EYS: variants seen among roughly 807,000 people sequenced by gnomAD.
The protein encoded by EYS is EGF-like photoreceptor maintenance factor.
EYS carries 250 observed loss-of-function variants against 282.1 expected under a neutral mutation model. The observed-to-expected ratio is 0.89, with a 90% confidence interval of 0.80 to 0.98. The LOEUF (loss-of-function observed/expected upper bound fraction) is 0.98. Ranked by LOEUF, EYS falls within the 50% of genes least tolerant of loss-of-function variation. The pLI, the probability that EYS is intolerant of heterozygous loss-of-function variation, is 0.00. For missense variants in EYS, 4,016 were observed against 3,709.0 expected, an observed-to-expected ratio of 1.08 and a Z score of -2.15; for synonymous variants, 1,355 against 1,282.9, an observed-to-expected ratio of 1.06 and a Z score of -1.20.
intron 12 of EYS, among the ~76,000 whole-genome samples, chr6:65,122,806 G>T (rs1369498223): frequency 1.3e-5 from 2 of 151,922 alleles, no homozygotes; most frequent in East Asian, 3.9e-4. Flanking sequence ...ATCAATTTTA[G>T]AAATAAAATG....
intron 10 of EYS, 67 bp from the exon 11 acceptor site, chr6:65,335,213 C>A (rs1562103347): frequency 8.7e-7 from 1 of 1,152,878 alleles, no homozygotes; most frequent in Non-Finnish European, 1.3e-6. Context: ...ACAATTGTGA[C>A]CTGAGAGATC....
At chr6:65,503,793 T>C (rs1379623847) in intron 2 of EYS, among the ~76,000 whole-genome samples, 1 of 151,744 alleles carries the variant, frequency 6.6e-6, no homozygotes, top group Non-Finnish European at 1.5e-5. Context: ...GTTTGGACTA[T>C]CTATTCTGTT....
chr6:64,446,675 A>G (rs1482610836), intron 26 of EYS, among the ~76,000 whole-genome samples: 1 of 152,052 alleles, frequency 6.6e-6, no homozygotes, highest in Non-Finnish European at 1.5e-5. Flanking sequence ...AAGTTGGAAT[A>G]TTATGAGAGA....
rs562233320 is a variant in EYS at position 65,194,319 on chromosome 6, A to G, written c.2023+101544T>C. The stretch of plus-strand genomic sequence containing the variant: ...GTTTGATATTTCAAGTGGCTCATGA[A>G]TTAGAAAAACGGTCTATAAAATCAA... On this transcript the variant is annotated intron_variant, in intron 12 of 42. Coordinates refer to ENST00000503581, the MANE Select transcript of EYS (RefSeq NM_001142800.2). Among the ~76,000 whole-genome samples, 37 of 152,112 alleles carry G rather than the reference A, an allele frequency of 2.4e-4. No individual in the cohort carries two copies. The South Asian group carries it at 6.2e-3, about 26-fold the overall frequency.
At chr6:65,012,292 C>G (rs1009678886) in intron 13 of EYS, among the ~76,000 whole-genome samples, 1 of 152,074 alleles carries the variant, frequency 6.6e-6, no homozygotes, top group Admixed American at 6.5e-5. Flanking sequence ...GCAGCACAAA[C>G]TTTTTCAACA....
intron 5 of EYS, among the ~76,000 whole-genome samples, chr6:65,451,964 A>G (rs1764415431): frequency 6.6e-6 from 1 of 151,836 alleles, no homozygotes; most frequent in Admixed American, 6.6e-5. Flanking sequence ...AATGTTTTAA[A>G]GGAAAATTAA....
intron 8 of EYS, among the ~76,000 whole-genome samples, chr6:65,383,130 C>A (rs542797825): frequency 1.3e-5 from 2 of 152,034 alleles, no homozygotes; most frequent in African/African-American, 4.8e-5. Context: ...CCCATTTCTA[C>A]AAAACATTTG....
chr6:64,151,323 A>ATATATATATATATATATATATT (rs1562226615), intron 31 of EYS, among the ~76,000 whole-genome samples: 14 of 64,712 alleles, frequency 2.2e-4, no homozygotes, highest in African/African-American at 1.1e-3. Context: ...ATATTTATAT[A>ATATATATATATATATATATATT]TATATATATA....
intron 12 of EYS, among the ~76,000 whole-genome samples, chr6:65,241,610 G>C (rs1767059902): frequency 6.6e-6 from 1 of 151,960 alleles, no homozygotes; most frequent in Admixed American, 6.6e-5. Context: ...AAACTGGTAT[G>C]TCAGGAGCCT....
At chr6:65,602,839 C>T (rs536608910) in intron 2 of EYS, among the ~76,000 whole-genome samples, 3 of 151,972 alleles carry the variant, frequency 2.0e-5, no homozygotes, top group East Asian at 1.9e-4. Context: ...AACTCCATGG[C>T]GTGACACACT....
intron 2 of EYS, among the ~76,000 whole-genome samples, chr6:65,552,480 T>A (rs1768630193): frequency 6.6e-6 from 1 of 152,154 alleles, no homozygotes; most frequent in Non-Finnish European, 1.5e-5. Flanking sequence ...TTTTAAATAA[T>A]TTTACTTTAA....
At chr6:64,410,122 G>A (rs1347055330) in intron 28 of EYS, among the ~76,000 whole-genome samples, 1 of 152,006 alleles carries the variant, frequency 6.6e-6, no homozygotes, top group Non-Finnish European at 1.5e-5. Flanking sequence ...TAAAAAAAGA[G>A]ATTCAGGGCA....
intron 2 of EYS, among the ~76,000 whole-genome samples, chr6:65,585,883 T>C (rs365992): frequency 0.015 from 2,218 of 152,116 alleles, 42 homozygotes; most frequent in African/African-American, 0.05. Context: ...CAATATGAAT[T>C]TGCCTGTTAC....
intron 22 of EYS, among the ~76,000 whole-genome samples, chr6:64,651,690 G>GA (rs941765758): frequency 3.3e-5 from 5 of 150,294 alleles, no homozygotes; most frequent in South Asian, 2.1e-4. Flanking sequence ...TCAAAAAAAG[G>GA]AAAAAAAAAT....
chr6:65,155,574 AGTCACTGTCTT>A (rs1764712583), intron 12 of EYS, among the ~76,000 whole-genome samples: 1 of 151,492 alleles, frequency 6.6e-6, no homozygotes, highest in Non-Finnish European at 1.5e-5. Flanking sequence ...CTAGCTTTCT[AGTCACTGTCTT>A]GTGGGTTATT....
chr6:65,326,403 G>A (rs1769622687), intron 11 of EYS, among the ~76,000 whole-genome samples: 1 of 151,022 alleles, frequency 6.6e-6, no homozygotes, highest in Non-Finnish European at 1.5e-5. Flanking sequence ...ATATAGATAA[G>A]TACATATATT....
intron 33 of EYS, among the ~76,000 whole-genome samples, chr6:64,050,804 A>G (rs1196073098): frequency 3.9e-5 from 6 of 152,212 alleles, no homozygotes; most frequent in African/African-American, 1.4e-4. Flanking sequence ...ATGTTTACAT[A>G]TTATGAAAGT....
intron 19 of EYS, among the ~76,000 whole-genome samples, chr6:64,882,266 G>GATAT (rs1766949259): frequency 6.6e-6 from 1 of 151,746 alleles, no homozygotes; most frequent in Admixed American, 6.6e-5. Context: ...TGATATAACT[G>GATAT]AATTTTGTCT....
intron 31 of EYS, among the ~76,000 whole-genome samples, chr6:64,141,542 G>A (rs1046677888): frequency 6.6e-6 from 1 of 152,028 alleles, no homozygotes; most frequent in Non-Finnish European, 1.5e-5. Flanking sequence ...GAACAAAAAT[G>A]ACTGCTTGGA....
Sources: allele counts gnomAD v4.1 joint callset (sites outside exome capture counted in the v4.1 genomes callset), GRCh38; gene constraint gnomAD v4.1.1; transcripts MANE v1.5; gene names NCBI Gene and HGNC (gene_info 2026-07-23, HGNC 2026-07-21).